Variants in EYS observed in about 807,000 individuals in gnomAD.
EYS encodes protein eyes shut homolog.
Under a neutral mutation model 282.1 loss-of-function variants are expected in EYS, and 250 were observed. That is an observed-to-expected ratio of 0.89 (90% CI 0.80 to 0.98). EYS has a LOEUF of 0.98. Among genes scored for constraint, EYS ranks in the 50% least tolerant of loss-of-function variants. The pLI, the probability that EYS is intolerant of heterozygous loss-of-function variation, is 0.00. For synonymous variants in EYS, 1,355 were observed against 1,282.9 expected (o/e 1.06, Z -1.20); for missense variants, 4,016 against 3,709.0 (o/e 1.08, Z -2.15).
At chr6:65,467,003 A>G (rs573923970) in intron 5 of EYS, among the ~76,000 whole-genome samples, 1 of 152,300 alleles carries the variant, frequency 6.6e-6, no homozygotes, top group Admixed American at 6.5e-5. Context: ...GGCAGGCTCT[A>G]AATATTAGTT....
chr6:64,884,391 C>T lies in EYS; in HGVS notation c.2992+2306G>A, dbSNP rs570850571. ...TAGAGAGGGATGTGTATTTTGGTTC[C>T]GGCTCTGTCACTACCAGATGTATGA... On this transcript the variant is annotated intron_variant, in intron 19 of 42. Coordinates refer to ENST00000503581, the MANE Select transcript of EYS (RefSeq NM_001142800.2). Among the ~76,000 whole-genome samples the T allele has an allele frequency of 1.1e-4, 16 of 151,262 alleles. 1 individual carries two copies. Among genetic ancestry groups the T allele is most frequent in the African/African-American group, 3.9e-4 (16 of 41,390 alleles).
At chr6:64,518,784 C>A (rs1562038067) in intron 26 of EYS, among the ~76,000 whole-genome samples, 1 of 150,560 alleles carries the variant, frequency 6.6e-6, no homozygotes, top group Non-Finnish European at 1.5e-5. Context: ...TAAGGGGCCC[C>A]CCCCTTCTCA....
chr6:64,650,941 G>A (rs768892985), intron 22 of EYS, among the ~76,000 whole-genome samples: 3 of 151,994 alleles, frequency 2.0e-5, no homozygotes, highest in Admixed American at 6.5e-5. Context: ...GTATCTTCAC[G>A]TTTATTGTTT....
chr6:65,241,879 A>G (rs1015744825), intron 12 of EYS, among the ~76,000 whole-genome samples: 1 of 152,064 alleles, frequency 6.6e-6, no homozygotes, highest in African/African-American at 2.4e-5. Flanking sequence ...TAACGAGTCA[A>G]TTTAGCTATT....
At chr6:64,083,559 A>T (rs990008135) in intron 31 of EYS, among the ~76,000 whole-genome samples, 3 of 152,166 alleles carry the variant, frequency 2.0e-5, no homozygotes, top group Admixed American at 1.3e-4. Context: ...GAAAGGAAAG[A>T]CTACACAGTA....
chr6:65,385,768 T>C (rs1765775386), intron 7 of EYS, among the ~76,000 whole-genome samples: 1 of 151,992 alleles, frequency 6.6e-6, no homozygotes, highest in Admixed American at 6.6e-5. Flanking sequence ...TTTACTCTAC[T>C]ACTCCACAGA....
chr6:64,595,592 G>T (rs1220559162), intron 24 of EYS, among the ~76,000 whole-genome samples: 1 of 152,100 alleles, frequency 6.6e-6, no homozygotes, highest in Non-Finnish European at 1.5e-5. Flanking sequence ...CAGTGAAATT[G>T]TAGAATAAAA....
chr6:65,679,443 G>A (rs1477281700), intron 1 of EYS, among the ~76,000 whole-genome samples: 1 of 151,888 alleles, frequency 6.6e-6, no homozygotes, highest in Non-Finnish European at 1.5e-5. Flanking sequence ...CCAATCACCA[G>A]GACAGATACT....
At chr6:65,297,443 T>C (rs1285309608) in intron 11 of EYS, among the ~76,000 whole-genome samples, 1 of 151,968 alleles carries the variant, frequency 6.6e-6, no homozygotes, top group Non-Finnish European at 1.5e-5. Context: ...GCCTTTCTTC[T>C]TGTAGTTGTA....
intron 29 of EYS, among the ~76,000 whole-genome samples, chr6:64,367,404 A>C (rs1056661759): frequency 6.6e-6 from 1 of 152,054 alleles, no homozygotes; most frequent in African/African-American, 2.4e-5. Flanking sequence ...TACAATGGAC[A>C]GAGATGGGTC....
At chr6:64,313,142 T>C (rs1769791552) in intron 29 of EYS, among the ~76,000 whole-genome samples, 2 of 152,190 alleles carry the variant, frequency 1.3e-5, no homozygotes, top group Admixed American at 6.5e-5. Context: ...TAAAAACAGG[T>C]TAAACGAATT....
chr6:64,692,977 CTT>C (rs67700846), intron 22 of EYS, among the ~76,000 whole-genome samples: 9 of 11,496 alleles, frequency 7.8e-4, no homozygotes, highest in Non-Finnish European at 9.7e-4. Context: ...GCTGCTTGGG[CTT>C]TTTTTTTTTT....
intron 1 of EYS, among the ~76,000 whole-genome samples, chr6:65,701,561 C>T (rs927580298): frequency 2.6e-5 from 4 of 152,168 alleles, no homozygotes; most frequent in Non-Finnish European, 5.9e-5. Flanking sequence ...CACTGCAATG[C>T]TTCCTGACTA....
chr6:65,100,817 T>G (rs960067303), intron 12 of EYS, among the ~76,000 whole-genome samples: 2 of 150,672 alleles, frequency 1.3e-5, no homozygotes, highest in Admixed American at 1.3e-4. Flanking sequence ...CATAGGAATC[T>G]TAAGATACAT....
At chr6:64,270,118 C>A (rs538825264) in intron 30 of EYS, among the ~76,000 whole-genome samples, 1 of 151,952 alleles carries the variant, frequency 6.6e-6, no homozygotes, top group Admixed American at 6.6e-5. Flanking sequence ...GTAATTCTGG[C>A]GTAGACATAT....
At chr6:63,804,265 C>A (rs2149677936) in intron 37 of EYS, among the ~76,000 whole-genome samples, 1 of 152,340 alleles carries the variant, frequency 6.6e-6, no homozygotes, top group East Asian at 1.9e-4. Context: ...ATCCACCCAC[C>A]TTGGCCTCCC....
intron 26 of EYS, among the ~76,000 whole-genome samples, chr6:64,478,421 G>C (rs1003191395): frequency 6.6e-6 from 1 of 151,102 alleles, no homozygotes; most frequent in African/African-American, 2.4e-5. Flanking sequence ...ATATTTAAAT[G>C]TTTTTAAATA....
At chr6:64,246,507 G>C (rs949094515) in intron 30 of EYS, among the ~76,000 whole-genome samples, 4 of 152,084 alleles carry the variant, frequency 2.6e-5, no homozygotes, top group Non-Finnish European at 5.9e-5. Flanking sequence ...ATAGATTCTA[G>C]ATAAAAGTAG....
chr6:64,103,145 G>A (rs915681134), intron 31 of EYS, among the ~76,000 whole-genome samples: 3 of 152,064 alleles, frequency 2.0e-5, no homozygotes, highest in East Asian at 1.9e-4. Flanking sequence ...AACTCCTAGA[G>A]GAAGAATATA....
Sources: gnomAD v4.1 joint callset for allele counts (sites outside exome capture counted in the v4.1 genomes callset) on GRCh38, gnomAD v4.1.1 for gene constraint, MANE v1.5 for transcripts, NCBI Gene and HGNC (gene_info 2026-07-23, HGNC 2026-07-21) for gene names.